DUSP13B: variants seen among roughly 807,000 people sequenced by gnomAD.
DUSP13B encodes the protein dual specificity phosphatase 13B.
At chr10:75,101,006 C>T in the DUSP13B span, among the ~76,000 whole-genome samples, 2 of 152,262 alleles carry the variant, frequency 1.3e-5, no homozygotes, top group African/African-American at 4.8e-5. Context: ...TCCTTTCTGA[C>T]TCCACTCCAG....
chr10:75,096,696 G>T, the DUSP13B span, among the ~76,000 whole-genome samples: 3 of 152,042 alleles, frequency 2.0e-5, no homozygotes, highest in Middle Eastern at 3.2e-3. Context: ...TGCAGTGAAT[G>T]ATGATAATCC....
At chr10:75,094,713 A>G in the DUSP13B span, 1 of 1,614,138 alleles carries the variant, frequency 6.2e-7, no homozygotes, top group South Asian at 1.1e-5. Context: ...TCGGTTGTCC[A>G]GAACCTGGAG....
chr10:75,101,758 C>CA, the DUSP13B span: 4 of 699,670 alleles, frequency 5.7e-6, no homozygotes, highest in Non-Finnish European at 9.2e-6. Flanking sequence ...GTTCTCTACC[C>CA]AACCCAAACC....
At chr10:75,105,705 C>A in the DUSP13B span, 2 of 1,552,084 alleles carry the variant, frequency 1.3e-6, no homozygotes, top group South Asian at 1.2e-5. Context: ...GCTGGTCCAG[C>A]CTGCAGAGCT....
chr10:75,097,845 T>A, the DUSP13B span: 17 of 1,612,206 alleles, frequency 1.1e-5, no homozygotes, highest in East Asian at 8.9e-5. Flanking sequence ...GCCCCATGGA[T>A]CTTGGGCCTC....
the DUSP13B span, chr10:75,109,095 G>A: frequency 3.1e-6 from 5 of 1,612,282 alleles, 1 homozygote; most frequent in South Asian, 5.5e-5. Flanking sequence ...CCAGCTCCAG[G>A]ATGCTGGGGC....
chr10:75,106,399 T>C, the DUSP13B span, among the ~76,000 whole-genome samples: 1 of 152,146 alleles, frequency 6.6e-6, no homozygotes, highest in Non-Finnish European at 1.5e-5. Context: ...TCCAAATACC[T>C]GCAAATTGTT....
At chr10:75,094,982 T>G in the DUSP13B span, 6 of 1,014,712 alleles carry the variant, frequency 5.9e-6, no homozygotes, top group African/African-American at 1.6e-5. Context: ...CCTGGAATAC[T>G]GACACTGTCT....
chr10:75,108,233 T>C, the DUSP13B span: 3 of 1,573,736 alleles, frequency 1.9e-6, no homozygotes, highest in East Asian at 6.7e-5. Context: ...GAAGGGCACT[T>C]GATGCCGGCC....
At chr10:75,106,471 G>A in the DUSP13B span, among the ~76,000 whole-genome samples, 1 of 152,226 alleles carries the variant, frequency 6.6e-6, no homozygotes, top group South Asian at 2.1e-4. Context: ...CTGAGACACG[G>A]CTTCCTCCAC....
chr10:75,105,032 A>G, the DUSP13B span, among the ~76,000 whole-genome samples: 1 of 152,186 alleles, frequency 6.6e-6, no homozygotes, highest in Non-Finnish European at 1.5e-5. Context: ...TGGTAGGGAC[A>G]GCCAAAGACA....
chr10:75,108,870 T>G, the DUSP13B span: 3 of 1,144,584 alleles, frequency 2.6e-6, no homozygotes, highest in Non-Finnish European at 3.5e-6. Context: ...CCCCCGGGGG[T>G]CCTGGAGAAG....
At chr10:75,108,816 G>C in the DUSP13B span, among the ~76,000 whole-genome samples, 1 of 152,176 alleles carries the variant, frequency 6.6e-6, no homozygotes, top group Non-Finnish European at 1.5e-5. Context: ...CGAAGTCCCT[G>C]CTCTCCCTGG....
the DUSP13B span, among the ~76,000 whole-genome samples, chr10:75,106,835 T>C: frequency 2.0e-5 from 3 of 152,200 alleles, no homozygotes; most frequent in African/African-American, 7.2e-5. Flanking sequence ...GTGTGTTGGA[T>C]ACTAAAAAGT....
At chr10:75,106,764 C>T in the DUSP13B span, among the ~76,000 whole-genome samples, 4 of 152,306 alleles carry the variant, frequency 2.6e-5, no homozygotes, top group South Asian at 2.1e-4. Context: ...GTGCCAGGCA[C>T]GTAGTGGATA....
chr10:75,099,071 G>A, the DUSP13B span: 40 of 1,232,388 alleles, frequency 3.2e-5, no homozygotes, highest in African/African-American at 1.2e-4. Flanking sequence ...GGCCCCACCC[G>A]GGTCAGGTAG....
chr10:75,104,127 G>A, the DUSP13B span: 2 of 1,312,332 alleles, frequency 1.5e-6, no homozygotes, highest in South Asian at 1.2e-5. Context: ...TGTGTTACAG[G>A]CAGGTGAACC....
chr10:75,097,670 C>A, the DUSP13B span: 1 of 1,498,850 alleles, frequency 6.7e-7, no homozygotes, highest in Non-Finnish European at 9.0e-7. Flanking sequence ...GTGAACCTCA[C>A]ACCCTTCCGC....
At chr10:75,101,199 G>GAAA in the DUSP13B span, among the ~76,000 whole-genome samples, 1 of 152,186 alleles carries the variant, frequency 6.6e-6, no homozygotes, top group South Asian at 2.1e-4. Context: ...AGAAATCTCA[G>GAAA]GTCTGGTACT....
Sources: allele counts gnomAD v4.1 joint callset (sites outside exome capture counted in the v4.1 genomes callset), GRCh38; gene constraint gnomAD v4.1.1; transcripts MANE v1.5; gene names NCBI Gene and HGNC (gene_info 2026-07-23, HGNC 2026-07-21).